Variants in PLA2G4B observed in about 807,000 individuals in gnomAD.
PLA2G4B encodes the protein phospholipase A2 group IVB, also known as cytosolic phospholipase A2 beta.
A neutral mutation model predicts 95.8 loss-of-function variants in PLA2G4B; 122 were observed. The observed-to-expected ratio is 1.27, with a 90% CI of 1.10 to 1.48. The LOEUF is 1.48. PLA2G4B is among the 40% of genes most tolerant of loss of function. The pLI, the probability that PLA2G4B is intolerant of heterozygous loss-of-function variation, is 0.00. For synonymous variants in PLA2G4B, 518 were observed against 421.5 expected, an observed-to-expected ratio of 1.23 and a Z score of -2.80; for missense variants, 1,158 against 996.2, an observed-to-expected ratio of 1.16 and a Z score of -2.19.
intron 12 of PLA2G4B, 118 bp downstream of exon 12, chr15:41,844,725 C>T (rs1202484778): frequency 2.4e-5 from 38 of 1,569,732 alleles, no homozygotes; most frequent in African/African-American, 5.4e-5. Context: ...CAGGGAGAAA[C>T]GTGCTCAAGG....
chr15:41,840,340 G>T lies in PLA2G4B; in HGVS notation c.82+110G>T, dbSNP rs941506936. On this transcript the variant is annotated intron_variant, in intron 2 of 19. Transcript: ENST00000458483. ...GGAGGCGGGTGGGCCGGTGGGCAGG[G>T]CCTAGAGGAGGGAGCTGAGAGGAGC... 2.3e-4 allele frequency: 363 copies of T among 1,574,790 alleles called. 1 individual carries two copies. The highest frequency in any genetic ancestry group is 2.2e-3 in the Middle Eastern group (10 of 4,630).
Position 41,840,594 on chromosome 15 carries a change from G to C in PLA2G4B, c.153G>C (p.Thr51=), listed in dbSNP as rs373743773. ...TACSHRLQTR[T]VKNSSSPVWN... is the part of the protein sequence containing the mutation. ...GCAGCCACAGGCTCCAGACACGCAC[G>C]GTCAAGAACAGCAGTAGCCCTGTCT... Residue 51 remains threonine, a synonymous_variant, in exon 3 of 20, where the codon ACG becomes ACC. Coordinates refer to ENST00000458483, the MANE Select transcript of PLA2G4B (RefSeq NM_001114633.2). The C allele has an allele frequency of 9.9e-5, 160 of 1,613,936 alleles. No individual in the cohort carries two copies. Among genetic ancestry groups the C allele is most frequent in the Admixed American group, 1.7e-4 (10 of 60,024 alleles).
chr15:41,844,411 C>A, intron 11 of PLA2G4B, 60 bp from the exon 12 acceptor site: 1 of 1,611,080 alleles, frequency 6.2e-7, no homozygotes, highest in Non-Finnish European at 8.5e-7. Flanking sequence ...CCTCTTCTTC[C>A]TGTGACTTGG....
intron 1 of PLA2G4B, chr15:41,839,233 C>T (rs1319434807): frequency 1.0e-5 from 3 of 287,388 alleles, no homozygotes; most frequent in East Asian, 1.6e-4. Flanking sequence ...CTCCTCCATG[C>T]TCCTCTGACT....
chr15:41,847,545 C>A (rs1478778374), intron 19 of PLA2G4B, 22 bp downstream of exon 19: 1 of 1,602,818 alleles, frequency 6.2e-7, no homozygotes. Flanking sequence ...TTCACCTCCC[C>A]ATCCTGCTGC....
intron 11 of PLA2G4B, 51 bp downstream of exon 11, chr15:41,843,862 T>C: frequency 1.3e-6 from 2 of 1,599,996 alleles, no homozygotes; most frequent in Non-Finnish European, 1.7e-6. Context: ...TGGGCCTAGC[T>C]CCTGGTGCTG....
chr15:41,845,285 C>T lies in PLA2G4B; in HGVS notation c.1322C>T (p.Thr441Ile). ...CTGCCCATCTACTGTGCCCTCAACACCAAAGGGCAGAGCCTGACCACTTTT... is the reference window on the plus strand; with the variant it reads ...CTGCCCATCTACTGTGCCCTCAACATCAAAGGGCAGAGCCTGACCACTTTT... ...NPLPIYCALN[T>I]KGQSLTTFEF... The change falls in exon 14 of 20, where the codon ACC (threonine) becomes ATC (isoleucine). Residue 441 changes from threonine to isoleucine, a missense_variant. Physicochemically the swap from Thr to Ile is moderately conservative, Grantham distance 89 (BLOSUM62 -1). Transcript: ENST00000458483. The T allele has an allele frequency of 1.2e-5, 19 of 1,614,196 alleles. No individual in the cohort carries two copies. Among genetic ancestry groups the T allele is most frequent in the East Asian group, 2.2e-5 (1 of 44,884 alleles).
chr15:41,841,796 T>C, intron 7 of PLA2G4B, 23 bp from the exon 8 acceptor site: 1 of 1,611,822 alleles, frequency 6.2e-7, no homozygotes, highest in Non-Finnish European at 8.5e-7. Flanking sequence ...CCCCAGCCTC[T>C]CTGCTCTGGT....
chr15:41,845,344 C>T (rs1364957828), intron 14 of PLA2G4B, 24 bp downstream of exon 14: 8 of 1,609,692 alleles, frequency 5.0e-6, no homozygotes, highest in African/African-American at 4.0e-5. Flanking sequence ...GAGCTGAGAC[C>T]TGTGCCCTTG....
At chr15:41,845,843 G>A in intron 15 of PLA2G4B, 68 bp downstream of exon 15, 1 of 1,533,642 alleles carries the variant, frequency 6.5e-7, no homozygotes, top group Non-Finnish European at 8.8e-7. Context: ...TGAGAGGGCA[G>A]CCTCGGTCAG....
Position 41,845,212 on chromosome 15 carries a change from C to T in PLA2G4B, c.1249C>T (p.His417Tyr). The T allele has an allele frequency of 6.2e-7, 1 of 1,614,164 alleles. No individual in the cohort carries two copies. Among genetic ancestry groups the T allele is most frequent in the Non-Finnish European group, 8.5e-7 (1 of 1,180,010 alleles). Residue 417 changes from histidine to tyrosine, a missense_variant, in exon 14 of 20, where the codon CAC becomes TAC. By Grantham distance (83) the His-to-Tyr change is moderately conservative. Coordinates refer to ENST00000458483, the MANE Select transcript of PLA2G4B (RefSeq NM_001114633.2). ...ACGCATCTTTCCCCAGCCCCATGAT[C>T]ACAAGCTCTCAGATCAACGGGAGGC... ...EALLHDEPHD[H>Y]KLSDQREALS...
chr15:41,847,299 GC>G, intron 18 of PLA2G4B, 37 bp from the exon 19 acceptor site: 1 of 1,561,854 alleles, frequency 6.4e-7, no homozygotes, highest in Non-Finnish European at 8.7e-7. Flanking sequence ...GATGCCAGGG[GC>G]CCTGTCCCTC....
intron 14 of PLA2G4B, 57 bp downstream of exon 14, chr15:41,845,377 A>ATGAGG (rs1193260887): frequency 2.8e-5 from 45 of 1,588,736 alleles, no homozygotes; most frequent in African/African-American, 4.0e-5. Context: ...TAAGGGGAGA[A>ATGAGG]CGAGGACTGT....
At position 41,844,906 on chromosome 15, in the gene PLA2G4B, A is replaced by G. The variant is rs200628246; in HGVS notation, c.1075A>G (p.Thr359Ala). The G allele has an allele frequency of 2.1e-5, 34 of 1,611,948 alleles. No homozygotes were observed. Among genetic ancestry groups the G allele is most frequent in the Non-Finnish European group, 2.4e-5 (28 of 1,179,360 alleles). Residue 359 changes from threonine to alanine, a missense_variant, in exon 13 of 20, where the codon ACT becomes GCT. By Grantham distance (58) the Thr-to-Ala change is moderately conservative. Coordinates refer to ENST00000458483, the MANE Select transcript of PLA2G4B (RefSeq NM_001114633.2). ...GTCTCAGAAGGACCTGGCAGGGCCC[A>G]CTGAGTTGCTGAAGACCCAGGTGAC... is the stretch of plus-strand genomic sequence containing the variant. Reference protein sequence around the residue: ...EWSQKDLAGPTELLKTQVTKN... With the variant: ...EWSQKDLAGPAELLKTQVTKN...
Position 41,845,706 on chromosome 15 carries a change from T to C in PLA2G4B, c.1426T>C (p.Phe476Leu). The change falls in exon 15 of 20, where the codon TTT becomes CTT. Residue 476 changes from phenylalanine (F) to leucine (L), a missense_variant. Coordinates refer to ENST00000458483, the MANE Select transcript of PLA2G4B (RefSeq NM_001114633.2). ...KYGAFIPSEL[F>L]GSEFFMGQLM... Reference sequence around the variant, plus strand: ...CGGGGCCTTCATCCCCTCTGAGCTCTTTGGCTCCGAGTTCTTTATGGGGCA... The same window carrying C: ...CGGGGCCTTCATCCCCTCTGAGCTCCTTGGCTCCGAGTTCTTTATGGGGCA... 1 of 1,613,226 alleles carries C rather than the reference T, an allele frequency of 6.2e-7. No homozygotes were observed. The highest frequency in any genetic ancestry group is 8.5e-7 in the Non-Finnish European group (1 of 1,179,702).
In PLA2G4B at chr15:41,845,611, T is replaced by C. The variant is rs200815977; in HGVS notation, c.1358-27T>C. 56 of 1,613,766 alleles carry C rather than the reference T, an allele frequency of 3.5e-5. No homozygotes were observed. The Middle Eastern group carries it at 1.0e-3, about 29-fold the overall frequency. On this transcript the variant is annotated intron_variant, in intron 14 of 19. Transcript: ENST00000458483. ...GTGGGTGCCTAAGGGCTCTGCACCA[T>C]GAGGCTGAGGCGTGGACTCCTCACA...
intron 4 of PLA2G4B, 23 bp downstream of exon 4, chr15:41,840,928 G>A (rs746715654): frequency 6.2e-7 from 1 of 1,606,572 alleles, no homozygotes; most frequent in African/African-American, 1.3e-5. Flanking sequence ...TTCCACGGCA[G>A]CCCTAGCTGG....
In PLA2G4B at chr15:41,846,313, CAT is replaced by C; in HGVS notation, c.1713_1714del (p.His571GlnfsTer228). ...GTGGCGTCCACTGGCCCAGGCCACA[CAT>C]AATTTCCTGCGTGGCCTCCATTTCC... ...LTWRPLAQAT[H>X]NFLRGLHFHK... On this transcript the variant is annotated frameshift_variant, in exon 17 of 20. Coordinates refer to ENST00000458483, the MANE Select transcript of PLA2G4B (RefSeq NM_001114633.2). LOFTEE classifies it high-confidence loss of function. 6.2e-7 allele frequency: 1 copy of C among 1,613,136 alleles called. No homozygotes were observed.
chr15:41,840,739 C>T, intron 3 of PLA2G4B, 35 bp from the exon 4 acceptor site: 2 of 1,608,548 alleles, frequency 1.2e-6, no homozygotes, highest in East Asian at 2.2e-5. Flanking sequence ...TCTGTCCCCT[C>T]CCTCCTGCAG....
Sources: allele counts gnomAD v4.1 joint callset, GRCh38; gene constraint gnomAD v4.1.1; transcripts MANE v1.5; gene names NCBI Gene and HGNC (gene_info 2026-07-23, HGNC 2026-07-21).